The following FBXW11 variants were observed in gnomAD, a reference collection of about 807,000 sequenced individuals.
FBXW11 encodes F-box/WD repeat-containing protein 11.
Under a neutral mutation model 77.6 loss-of-function variants are expected in FBXW11, and 19 were observed. The ratio of observed to expected loss-of-function variants is 0.24; its 90% CI spans 0.17 to 0.36. The LOEUF is 0.36. FBXW11 is among the 10% of genes least tolerant of loss of function. The probability of loss-of-function intolerance (pLI) is 1.00; values close to 1 mark genes in which losing one functional copy is unlikely to be tolerated. For missense variants in FBXW11, 334 were observed against 704.2 expected, an observed-to-expected ratio of 0.47 and a Z score of 5.95; for synonymous variants, 235 against 249.4, an observed-to-expected ratio of 0.94 and a Z score of 0.54.
chr5:171,931,648 C>T (rs998537466), intron 2 of FBXW11, among the ~76,000 whole-genome samples: 37 of 152,188 alleles, frequency 2.4e-4, no homozygotes, highest in African/African-American at 8.4e-4. Flanking sequence ...AGGCACAATC[C>T]ATGAAGAATT....
intron 4 of FBXW11, among the ~76,000 whole-genome samples, chr5:171,900,362 A>G (rs534178504): frequency 6.6e-6 from 1 of 152,190 alleles, no homozygotes; most frequent in Non-Finnish European, 1.5e-5. Flanking sequence ...TTATTTGTCA[A>G]ATATTAAGAT....
chr5:171,866,802 C>T (rs1028997954), intron 13 of FBXW11, among the ~76,000 whole-genome samples: 2 of 152,174 alleles, frequency 1.3e-5, no homozygotes, highest in African/African-American at 2.4e-5. Flanking sequence ...TCCTTGTCTC[C>T]TTCCTCTGTA....
chr5:171,938,538 G>A (rs1403565319), intron 2 of FBXW11, among the ~76,000 whole-genome samples: 1 of 152,214 alleles, frequency 6.6e-6, no homozygotes, highest in Non-Finnish European at 1.5e-5. Flanking sequence ...AGGTGCTCTT[G>A]TGTATTTCTG....
intron 4 of FBXW11, among the ~76,000 whole-genome samples, chr5:171,909,072 C>G (rs868473285): frequency 3.3e-5 from 5 of 152,184 alleles, no homozygotes; most frequent in Non-Finnish European, 4.4e-5. Flanking sequence ...GGAGTGAAAT[C>G]TCTATATCTT....
At chr5:171,917,689 G>A (rs1046512744) in intron 2 of FBXW11, among the ~76,000 whole-genome samples, 1 of 151,816 alleles carries the variant, frequency 6.6e-6, no homozygotes, top group Non-Finnish European at 1.5e-5. Context: ...GATGTCTGGA[G>A]AAAAAAGCAT....
intron 1 of FBXW11, among the ~76,000 whole-genome samples, chr5:171,998,277 A>G (rs566369293): frequency 6.6e-6 from 1 of 151,940 alleles, no homozygotes; most frequent in African/African-American, 2.4e-5. Context: ...GCCACTTAAA[A>G]AAGCATTTAA....
intron 1 of FBXW11, among the ~76,000 whole-genome samples, chr5:171,989,721 T>C (rs1046811690): frequency 1.3e-5 from 2 of 152,218 alleles, no homozygotes; most frequent in African/African-American, 4.8e-5. Flanking sequence ...ATGTACTTTG[T>C]TTGGATCCTG....
intron 7 of FBXW11, among the ~76,000 whole-genome samples, chr5:171,889,022 G>T (rs1360384677): frequency 1.3e-5 from 2 of 152,038 alleles, no homozygotes; most frequent in African/African-American, 4.8e-5. Flanking sequence ...AATATCAAAA[G>T]ATATAGTATT....
chr5:171,996,504 A>G (rs903825930), intron 1 of FBXW11, among the ~76,000 whole-genome samples: 2 of 152,172 alleles, frequency 1.3e-5, no homozygotes, highest in African/African-American at 4.8e-5. Flanking sequence ...CTGTCTCTAC[A>G]AAAAAGAAAT....
intron 1 of FBXW11, among the ~76,000 whole-genome samples, chr5:171,979,966 C>T (rs2113483070): frequency 6.6e-6 from 1 of 152,176 alleles, no homozygotes; most frequent in Non-Finnish European, 1.5e-5. Context: ...TTAAAAGAGG[C>T]AAAGGCAGAG....
chr5:171,911,251 C>T (rs1194165387), intron 3 of FBXW11, among the ~76,000 whole-genome samples: 1 of 152,160 alleles, frequency 6.6e-6, no homozygotes, highest in Non-Finnish European at 1.5e-5. Context: ...TACATTTATG[C>T]TAATGGTTCT....
intron 7 of FBXW11, among the ~76,000 whole-genome samples, chr5:171,889,781 G>A (rs377610588): frequency 7.2e-5 from 11 of 152,100 alleles, no homozygotes; most frequent in East Asian, 3.9e-4. Flanking sequence ...CCAGCTACTC[G>A]GGAGGCTGAG....
At chr5:171,899,245 T>C (rs1346424576) in intron 5 of FBXW11, 151 bp from the exon 6 acceptor site, 3 of 575,212 alleles carry the variant, frequency 5.2e-6, no homozygotes, top group East Asian at 3.0e-5. Context: ...CAAATTTACA[T>C]GTTACAGACA....
intron 4 of FBXW11, 58 bp from the exon 5 acceptor site, chr5:171,900,158 T>C: frequency 2.1e-6 from 3 of 1,412,226 alleles, no homozygotes; most frequent in Non-Finnish European, 2.9e-6. Context: ...GTACCAGCCA[T>C]CATTTCCTTA....
At chr5:171,999,563 C>G (rs1490080606) in intron 1 of FBXW11, among the ~76,000 whole-genome samples, 1 of 152,004 alleles carries the variant, frequency 6.6e-6, no homozygotes, top group Non-Finnish European at 1.5e-5. Context: ...CCCTCTGCCC[C>G]CTTTCTCTTT....
chr5:171,988,222 C>T (rs1765547332), intron 1 of FBXW11, among the ~76,000 whole-genome samples: 2 of 152,018 alleles, frequency 1.3e-5, no homozygotes, highest in Admixed American at 1.3e-4. Context: ...TTCTAAATAC[C>T]ATTCCTTACT....
chr5:171,874,675 CG>C (rs1189381716), intron 9 of FBXW11, among the ~76,000 whole-genome samples: 1 of 148,710 alleles, frequency 6.7e-6, no homozygotes, highest in Non-Finnish European at 1.5e-5. Context: ...AATGGTACAG[CG>C]CCTTTGGAAA....
At chr5:171,991,978 G>T (rs1266520002) in intron 1 of FBXW11, among the ~76,000 whole-genome samples, 1 of 152,078 alleles carries the variant, frequency 6.6e-6, no homozygotes, top group African/African-American at 2.4e-5. Flanking sequence ...AGCTGGGCGT[G>T]GTGGTGCACG....
At chr5:171,899,812 A>C in intron 5 of FBXW11, 102 bp downstream of exon 5, 1 of 1,081,380 alleles carries the variant, frequency 9.2e-7, no homozygotes, top group Non-Finnish European at 1.3e-6. Context: ...CCTTTTTAAA[A>C]ATAGGCCAGC....
Sources: allele counts gnomAD v4.1 joint callset (sites outside exome capture counted in the v4.1 genomes callset), GRCh38; gene constraint gnomAD v4.1.1; transcripts MANE v1.5; gene names NCBI Gene and HGNC (gene_info 2026-07-23, HGNC 2026-07-21).